Variants in C12orf75 observed in about 807,000 individuals in gnomAD.
The protein encoded by C12orf75 is overexpressed in colon carcinoma 1 protein.
A neutral mutation model predicts 11.4 loss-of-function variants in C12orf75; 4 were observed. The ratio of observed to expected loss-of-function variants is 0.35; its 90% CI spans 0.17 to 0.80. C12orf75 has a LOEUF of 0.80. Ranked by LOEUF, C12orf75 falls within the 30% of genes least tolerant of loss-of-function variation. C12orf75 has a pLI of 0.52. For missense variants in C12orf75, 89 were observed against 80.4 expected (o/e 1.11, Z -0.41); for synonymous variants, 30 against 30.0 (o/e 1.00, Z 0.00).
intron 2 of C12orf75, among the ~76,000 whole-genome samples, chr12:105,355,125 T>C (rs971520804): frequency 2.0e-5 from 3 of 151,134 alleles, no homozygotes; most frequent in Non-Finnish European, 4.4e-5. Context: ...CAGCAAAATA[T>C]GAGGTGAGAG....
intron 5 of C12orf75, among the ~76,000 whole-genome samples, chr12:105,370,334 A>G (rs895675086): frequency 6.6e-6 from 1 of 152,158 alleles, no homozygotes; most frequent in African/African-American, 2.4e-5. Context: ...AACAGTCTCT[A>G]TTTTTAATTT....
intron 1 of C12orf75, among the ~76,000 whole-genome samples, chr12:105,339,067 A>G (rs1892533221): frequency 6.6e-6 from 1 of 152,112 alleles, no homozygotes; most frequent in African/African-American, 2.4e-5. Context: ...ATGAATCTGT[A>G]TTTTTTTATT....
chr12:105,336,295 A>G (rs1345096666), intron 1 of C12orf75, among the ~76,000 whole-genome samples: 2 of 152,244 alleles, frequency 1.3e-5, no homozygotes, highest in Non-Finnish European at 2.9e-5. Flanking sequence ...TGGGCTCTGC[A>G]GCTAAAAAGG....
chr12:105,362,567 T>C (rs563986673), intron 2 of C12orf75, among the ~76,000 whole-genome samples: 1 of 148,388 alleles, frequency 6.7e-6, no homozygotes, highest in Non-Finnish European at 1.5e-5. Flanking sequence ...CTCAGGAGGC[T>C]GAGGCAGGAG....
At chr12:105,362,739 G>C (rs1892890211) in intron 2 of C12orf75, among the ~76,000 whole-genome samples, 1 of 152,092 alleles carries the variant, frequency 6.6e-6, no homozygotes, top group Admixed American at 6.6e-5. Context: ...AAATTAGCAT[G>C]GGCCTACAGT....
intron 5 of C12orf75, among the ~76,000 whole-genome samples, chr12:105,370,266 A>C (rs555879366): frequency 2.6e-5 from 4 of 152,274 alleles, no homozygotes; most frequent in African/African-American, 9.6e-5. Context: ...TGTAATGTGG[A>C]GGCCTAGGCT....
intron 1 of C12orf75, among the ~76,000 whole-genome samples, chr12:105,344,970 C>CG (rs200093628): frequency 6.7e-6 from 1 of 148,744 alleles, no homozygotes; most frequent in Non-Finnish European, 1.5e-5. Flanking sequence ...CTAAGCCCCC[C>CG]CCCAACCAAT....
At chr12:105,358,616 T>G (rs1892818729) in intron 2 of C12orf75, among the ~76,000 whole-genome samples, 2 of 152,226 alleles carry the variant, frequency 1.3e-5, no homozygotes, top group African/African-American at 4.8e-5. Context: ...AGTCTTACAT[T>G]TTTTCAAATG....
At chr12:105,358,398 GTGGTGCCA>G in intron 2 of C12orf75, among the ~76,000 whole-genome samples, 1 of 152,258 alleles carries the variant, frequency 6.6e-6, no homozygotes, top group Admixed American at 6.5e-5. Context: ...GTGTGCGCCT[GTGGTGCCA>G]GCTGCTAGGG....
At chr12:105,347,986 A>G (rs1892659444) in intron 1 of C12orf75, among the ~76,000 whole-genome samples, 1 of 152,244 alleles carries the variant, frequency 6.6e-6, no homozygotes, top group Admixed American at 6.5e-5. Flanking sequence ...AATTCATAAA[A>G]TGTGAGGTTG....
At chr12:105,361,142 C>T (rs1358279834) in intron 2 of C12orf75, among the ~76,000 whole-genome samples, 5 of 152,142 alleles carry the variant, frequency 3.3e-5, no homozygotes, top group Non-Finnish European at 5.9e-5. Flanking sequence ...GTGATCCTCC[C>T]ACCGCCACCT....
intron 2 of C12orf75, among the ~76,000 whole-genome samples, chr12:105,360,943 T>C (rs916782990): frequency 1.3e-5 from 2 of 152,104 alleles, no homozygotes; most frequent in Non-Finnish European, 2.9e-5. Context: ...GCCCAGTTAA[T>C]TTTTGTATTT....
At chr12:105,365,870 G>T in intron 3 of C12orf75, 28 bp downstream of exon 3, 1 of 1,488,184 alleles carries the variant, frequency 6.7e-7, no homozygotes, top group South Asian at 1.2e-5. Context: ...GCTGGCTTTA[G>T]TTTGAATGGT....
At chr12:105,333,045 A>G (rs1892456141) in intron 1 of C12orf75, among the ~76,000 whole-genome samples, 1 of 152,122 alleles carries the variant, frequency 6.6e-6, no homozygotes, top group Admixed American at 6.5e-5. Context: ...TTTGCCAAAA[A>G]TTACTTTTTG....
At chr12:105,339,728 C>T (rs1426550052) in intron 1 of C12orf75, among the ~76,000 whole-genome samples, 5 of 151,914 alleles carry the variant, frequency 3.3e-5, no homozygotes, top group Admixed American at 6.6e-5. Context: ...GCCTTTTTCC[C>T]GCCTCAGCCT....
rs1481862857 is a variant in C12orf75, at chr12:105,365,861, C to T, written c.107+19C>T. On this transcript the variant is annotated intron_variant, in intron 3 of 5. Coordinates refer to ENST00000443585, the MANE Select transcript of C12orf75 (RefSeq NM_001145199.2). Reference sequence around the variant, plus strand: ...AGAGGAGGTATGTTTGGTATTGCAGCTGGCTTTAGTTTGAATGGTTTTGGC... The same window carrying T: ...AGAGGAGGTATGTTTGGTATTGCAGTTGGCTTTAGTTTGAATGGTTTTGGC... 1.3e-6 allele frequency: 2 copies of T among 1,528,336 alleles called. No homozygotes were observed. Among genetic ancestry groups the T allele is most frequent in the East Asian group, 4.9e-5 (2 of 40,802 alleles). 94.7% of individuals were successfully genotyped at this position (1,528,336 alleles called of 1,614,324 possible). A position where few individuals can be genotyped will look rare whatever the true frequency, so the allele number is the denominator to read the frequency against.
rs953189808 is a variant in C12orf75 at position 105,371,071 on chromosome 12, T to A, written c.*471T>A. 1 of 153,832 alleles carries A rather than the reference T, an allele frequency of 6.5e-6. No homozygotes were observed. Among genetic ancestry groups the A allele is most frequent in the Non-Finnish European group, 1.5e-5 (1 of 68,958 alleles). The allele number at this position is 153,832 out of a possible 1,614,324, so 9.5% of individuals were successfully genotyped here. A position where few individuals can be genotyped will look rare whatever the true frequency, so the allele number is the denominator to read the frequency against. ...TAAAATAATATATTTGTCTGTTATC[T>A]TTTGCTATTTCTACTTCACTTTAAT... On this transcript the variant is annotated 3_prime_UTR_variant, in exon 6 of 6. Transcript: ENST00000443585.
rs11538192 is a variant in C12orf75 at position 105,370,920 on chromosome 12, C to T, written c.*320C>T. The T allele has an allele frequency of 0.049, 15,161 of 308,754 alleles. 459 individuals carry two copies. The highest frequency in any genetic ancestry group is 0.067 in the African/African-American group (3,088 of 46,414). 19.1% of individuals were successfully genotyped at this position (308,754 alleles called of 1,614,324 possible). A position where few individuals can be genotyped will look rare whatever the true frequency, so the allele number is the denominator to read the frequency against. ...CGCTGCATTTTGACAACATTTCCAC[C>T]CTGGCCACTCAGCACATTTCATGGA... is the stretch of plus-strand genomic sequence containing the variant. On this transcript the variant is annotated 3_prime_UTR_variant, in exon 6 of 6. Transcript: ENST00000443585.
At chr12:105,336,507 G>C (rs1041794447) in intron 1 of C12orf75, among the ~76,000 whole-genome samples, 9 of 152,176 alleles carry the variant, frequency 5.9e-5, no homozygotes, top group Admixed American at 5.9e-4. Flanking sequence ...CTTGTTATCA[G>C]TATAGGGAAA....
Sources: gnomAD v4.1 joint callset for allele counts (sites outside exome capture counted in the v4.1 genomes callset) on GRCh38, gnomAD v4.1.1 for gene constraint, MANE v1.5 for transcripts, NCBI Gene and HGNC (gene_info 2026-07-23, HGNC 2026-07-21) for gene names.